The following AHNAK variants were observed in gnomAD, a reference collection of about 807,000 sequenced individuals.
The protein encoded by AHNAK is AHNAK nucleoprotein.
In AHNAK, 23 loss-of-function variants were observed where a neutral mutation model predicts 37.8. The observed-to-expected ratio is 0.61, with a 90% CI of 0.44 to 0.86. The LOEUF (loss-of-function observed/expected upper bound fraction) is 0.86, where lower values mean the gene tolerates loss of function less well. Ranked by LOEUF, AHNAK falls within the 40% of genes least tolerant of loss-of-function variation. The probability of loss-of-function intolerance (pLI) is 0.00; values close to 1 mark genes in which losing one functional copy is unlikely to be tolerated. For synonymous variants in AHNAK, 2,481 were observed against 2,636.3 expected (o/e 0.94, Z 1.80); for missense variants, 7,411 against 7,319.4 (o/e 1.01, Z -0.46).
At chr11:62,436,863 C>T (rs1938183225) in intron 5 of AHNAK, among the ~76,000 whole-genome samples, 2 of 151,900 alleles carry the variant, frequency 1.3e-5, no homozygotes, top group Admixed American at 1.3e-4. Context: ...GGCGTGAACC[C>T]AGGAGGCGGA....
At chr11:62,509,402 T>C (rs1939867546) in intron 4 of AHNAK, among the ~76,000 whole-genome samples, 1 of 151,906 alleles carries the variant, frequency 6.6e-6, no homozygotes, top group African/African-American at 2.4e-5. Context: ...TACAAAAAAT[T>C]AGCTGGGTGT....
chr11:62,454,405 T>C (rs1590594270), intron 5 of AHNAK, among the ~76,000 whole-genome samples: 3 of 116,352 alleles, frequency 2.6e-5, no homozygotes, highest in Middle Eastern at 4.2e-3. Flanking sequence ...AGAGCGAGAC[T>C]CCATCTCAAA....
At position 62,523,545 on chromosome 11, in the gene AHNAK, A is replaced by T; in HGVS notation, c.10872T>A (p.Val3624=). 1 of 1,613,776 alleles carries T rather than the reference A, an allele frequency of 6.2e-7. No individual in the cohort carries two copies. The highest frequency in any genetic ancestry group is 1.1e-5 in the South Asian group (1 of 91,038). ...TGTCAATGTCAGCTTTAGGGAGGGTAACATCGACTTCAGGGCCTTCTCCTT... is the reference window on the plus strand; with the variant it reads ...TGTCAATGTCAGCTTTAGGGAGGGTTACATCGACTTCAGGGCCTTCTCCTT... ...GFKGEGPEVD[V]TLPKADIDIS... The change falls in exon 5 of 5, where the codon GTT becomes GTA. Residue 3624 remains valine, a synonymous_variant. Transcript: ENST00000378024.
At position 62,530,593 on chromosome 11, in the gene AHNAK, T is replaced by A; in HGVS notation, c.3824A>T (p.Asp1275Val). ...PGFKGEGREVDVNLPKADIDV... is the reference protein window; with the variant it reads ...PGFKGEGREVVVNLPKADIDV... ...AATGTCAGCCTTGGGCAGGTTCACA[T>A]CCACTTCTCGGCCCTCTCCTTTGAA... Residue 1275 changes from aspartate to valine, a missense_variant, in exon 5 of 5, where the codon GAT becomes GTT. Coordinates refer to ENST00000378024, the MANE Select transcript of AHNAK (RefSeq NM_001620.3). 2 of 1,612,352 alleles carry A rather than the reference T, an allele frequency of 1.2e-6. No individual in the cohort carries two copies. The highest frequency in any genetic ancestry group is 1.7e-6 in the Non-Finnish European group (2 of 1,179,718).
chr11:62,521,727 A>G lies in AHNAK; in HGVS notation c.12690T>C (p.Asp4230=). ...TCGCATCTGGACCTTCGATATTCACATCAGGAACATCAATGTCCACCTTGG... is the reference window on the plus strand; with the variant it reads ...TCGCATCTGGACCTTCGATATTCACGTCAGGAACATCAATGTCCACCTTGG... ...SGPKVDIDVP[D]VNIEGPDAKL... The change falls in exon 5 of 5, where the codon GAT becomes GAC. Residue 4230 remains aspartate, a synonymous_variant. Transcript: ENST00000378024. The G allele has an allele frequency of 6.2e-7, 1 of 1,613,866 alleles. No homozygotes were observed. Among genetic ancestry groups the G allele is most frequent in the Non-Finnish European group, 8.5e-7 (1 of 1,179,978 alleles).
chr11:62,483,628 G>A (rs1939322195), intron 5 of AHNAK, among the ~76,000 whole-genome samples: 1 of 151,878 alleles, frequency 6.6e-6, no homozygotes, highest in Non-Finnish European at 1.5e-5. Flanking sequence ...GGAGGCCGAG[G>A]CAGGCGGATC....
chr11:62,465,166 C>G (rs910679646), intron 5 of AHNAK, among the ~76,000 whole-genome samples: 1 of 152,214 alleles, frequency 6.6e-6, no homozygotes, highest in Non-Finnish European at 1.5e-5. Flanking sequence ...TGGTGCCAAG[C>G]AGTCTCTTGG....
In AHNAK at chr11:62,518,023, A is replaced by C. The variant is rs1940087293; in HGVS notation, c.16394T>G (p.Leu5465Arg). The C allele has an allele frequency of 6.2e-7, 1 of 1,614,154 alleles. No homozygotes were observed. Among genetic ancestry groups the C allele is most frequent in the Non-Finnish European group, 8.5e-7 (1 of 1,180,028 alleles). Residue 5465 changes from leucine to arginine, a missense_variant, in exon 5 of 5, where the codon CTT becomes CGT. Physicochemically the swap from Leu to Arg is moderately radical, Grantham distance 102. Coordinates refer to ENST00000378024, the MANE Select transcript of AHNAK (RefSeq NM_001620.3). ...NLEGPKVKGSLGATGEIKGPT... is the reference protein window; with the variant it reads ...NLEGPKVKGSRGATGEIKGPT... ...GCCTTTGATCTCACCAGTGGCCCCAAGGCTCCCTTTCACTTTTGGTCCTTC... is the reference window on the plus strand; with the variant it reads ...GCCTTTGATCTCACCAGTGGCCCCACGGCTCCCTTTCACTTTTGGTCCTTC...
At chr11:62,495,742 A>AG (rs111980006) in intron 4 of AHNAK, among the ~76,000 whole-genome samples, 22,259 of 150,866 alleles carry the variant, frequency 0.15, 4,105 homozygotes, top group African/African-American at 0.43. Flanking sequence ...CGTCTCAAAA[A>AG]AAAAAAAAAA....
intron 5 of AHNAK, among the ~76,000 whole-genome samples, chr11:62,456,780 C>T (rs1453724239): frequency 6.6e-6 from 1 of 152,204 alleles, no homozygotes; most frequent in Admixed American, 6.5e-5. Flanking sequence ...ATAAGCCCCA[C>T]CCCTGCCACC....
At position 62,516,885 on chromosome 11, in the gene AHNAK, C is replaced by T; in HGVS notation, c.17532G>A (p.Glu5844=). 6.2e-7 allele frequency: 1 copy of T among 1,614,176 alleles called. No homozygotes were observed. The highest frequency in any genetic ancestry group is 8.5e-7 in the Non-Finnish European group (1 of 1,180,032). Residue 5844 remains glutamate (E), a synonymous_variant, in exon 5 of 5, where the codon GAG becomes GAA. Transcript: ENST00000378024. Reference sequence around the variant, plus strand: ...CCCCACTCCCCTGTAACTTGCCTGTCTCATCATCGCTCCCAGTCACCTCAT... The same window carrying T: ...CCCCACTCCCCTGTAACTTGCCTGTTTCATCATCGCTCCCAGTCACCTCAT... ...GHYEVTGSDD[E]TGKLQGSGVS...
At position 62,529,330 on chromosome 11, in the gene AHNAK, A is replaced by T; in HGVS notation, c.5087T>A (p.Ile1696Asn). 1 of 1,614,030 alleles carries T rather than the reference A, an allele frequency of 6.2e-7. No homozygotes were observed. The highest frequency in any genetic ancestry group is 2.2e-5 in the East Asian group (1 of 44,858). The change falls in exon 5 of 5, where the codon ATT becomes AAT. Residue 1696 changes from isoleucine to asparagine, a missense_variant. Ile to Asn is a moderately radical substitution (Grantham distance 149). Coordinates refer to ENST00000378024, the MANE Select transcript of AHNAK (RefSeq NM_001620.3). ...DVDIKGPKVD[I>N]DAPDVEVHDP... ...GTGAACCTCCACATCTGGGGCATCA[A>T]TGTCCACTTTGGGCCCTTTAATGTC...
chr11:62,530,364 T>C lies in AHNAK; in HGVS notation c.4053A>G (p.Glu1351=). ...VDVSLPEVEG[E]MKVPDVDIKG... is the part of the protein sequence containing the mutation. ...TAATGTCAACATCTGGCACTTTCAT[T>C]TCACCTTCTACCTCAGGCAAGGACA... Residue 1351 remains glutamate (E), a synonymous_variant, in exon 5 of 5, where the codon GAA becomes GAG. Coordinates refer to ENST00000378024, the MANE Select transcript of AHNAK (RefSeq NM_001620.3). 1 of 1,613,978 alleles carries C rather than the reference T, an allele frequency of 6.2e-7. No homozygotes were observed. The highest frequency in any genetic ancestry group is 8.5e-7 in the Non-Finnish European group (1 of 1,180,006).
chr11:62,477,115 G>A (rs1488853483), intron 5 of AHNAK, among the ~76,000 whole-genome samples: 1 of 152,120 alleles, frequency 6.6e-6, no homozygotes, highest in Admixed American at 6.6e-5. Flanking sequence ...CAGGCATCTC[G>A]ACAACTTTTT....
rs1483180961 is a variant in AHNAK at position 62,531,371 on chromosome 11, G to A, written c.3046C>T (p.Pro1016Ser). 1.1e-5 allele frequency: 17 copies of A among 1,613,708 alleles called. No homozygotes were observed. Among genetic ancestry groups the A allele is most frequent in the Admixed American group, 6.7e-5 (4 of 59,960 alleles). Residue 1016 changes from proline (P) to serine (S), a missense_variant, in exon 5 of 5, where the codon CCA becomes TCA. Pro to Ser is a moderately conservative substitution (Grantham distance 74, BLOSUM62 -1). Transcript: ENST00000378024. ...FSMPSLKGEG[P>S]EFDVNLSKAN... ...TTGGACAGGTTCACATCAAATTCTG[G>A]CCCCTCTCCTTTGAGGCTGGGCATG...
At chr11:62,492,595 G>T (rs1939522539) in intron 4 of AHNAK, among the ~76,000 whole-genome samples, 2 of 152,176 alleles carry the variant, frequency 1.3e-5, no homozygotes, top group African/African-American at 2.4e-5. Flanking sequence ...CCAGCAGGAT[G>T]CAGTGGCTCA....
At position 62,526,952 on chromosome 11, in the gene AHNAK, T is replaced by C. The variant is rs1167205695; in HGVS notation, c.7465A>G (p.Ile2489Val). The C allele has an allele frequency of 1.2e-6, 2 of 1,614,060 alleles. No individual in the cohort carries two copies. Among genetic ancestry groups the C allele is most frequent in the African/African-American group, 1.3e-5 (1 of 74,928 alleles). Residue 2489 changes from isoleucine (I) to valine (V), a missense_variant, in exon 5 of 5, where the codon ATC becomes GTC. Physicochemically the swap from Ile to Val is conservative, Grantham distance 29. Transcript: ENST00000378024. ...TTTACATCAACTTTGGGGCCCCTGATGTTCATATCTGGTACTTCAAGTTTA... is the reference window on the plus strand; with the variant it reads ...TTTACATCAACTTTGGGGCCCCTGACGTTCATATCTGGTACTTCAAGTTTA... ...EGKLEVPDMN[I>V]RGPKVDVNAP...
chr11:62,512,140 C>T (rs946148633), downstream of AHNAK, among the ~76,000 whole-genome samples: 5 of 152,220 alleles, frequency 3.3e-5, no homozygotes, highest in African/African-American at 1.2e-4. This position sits in a 1 kb window ranked among gnomAD's most constrained non-coding sequence, Gnocchi z 4.0. Flanking sequence ...AGCCACTGCA[C>T]CTGGCCTTGT....
chr11:62,546,237 G>A (rs1281048869), intron 1 of AHNAK, among the ~76,000 whole-genome samples: 1 of 152,192 alleles, frequency 6.6e-6, no homozygotes, highest in Non-Finnish European at 1.5e-5. Flanking sequence ...GGCGCTGGGG[G>A]CCGCGGTGGC....
Sources: allele counts gnomAD v4.1 joint callset (sites outside exome capture counted in the v4.1 genomes callset), GRCh38; gene constraint gnomAD v4.1.1; non-coding constraint Gnocchi (gnomAD v3.1); transcripts MANE v1.5; gene names NCBI Gene and HGNC (gene_info 2026-07-23, HGNC 2026-07-21).